The following COL16A1 variants were observed in gnomAD, a reference collection of about 807,000 sequenced individuals.
COL16A1 encodes collagen alpha-1(XVI) chain.
COL16A1 carries 189 observed loss-of-function variants against 266.3 expected under a neutral mutation model. That is an observed-to-expected ratio of 0.71 (90% CI 0.63 to 0.80). The LOEUF (loss-of-function observed/expected upper bound fraction) is 0.80, where lower values mean the gene tolerates loss of function less well. Ranked by LOEUF, COL16A1 falls within the 30% of genes least tolerant of loss-of-function variation. The pLI is 0.00. For synonymous variants in COL16A1, 740 were observed against 782.3 expected, an observed-to-expected ratio of 0.95 and a Z score of 0.90; for missense variants, 1,928 against 2,122.4, an observed-to-expected ratio of 0.91 and a Z score of 1.80.
In COL16A1 at chr1:31,681,015, G is replaced by A; in HGVS notation, c.2583+8C>T. 6.2e-7 allele frequency: 1 copy of A among 1,613,778 alleles called. No individual in the cohort carries two copies. Among genetic ancestry groups the A allele is most frequent in the Non-Finnish European group, 8.5e-7 (1 of 1,179,844 alleles). On this transcript the variant is annotated splice_region_variant and intron_variant, in intron 38 of 70. Transcript: ENST00000373672. ...TGGCTTCCTGCTGCCCCAAGGCACT[G>A]TACTCACTGGTGTTCCTCTGAGTCC...
chr1:31,691,963 C>T (rs757065567), intron 17 of COL16A1, 42 bp downstream of exon 17: 1 of 1,613,202 alleles, frequency 6.2e-7, no homozygotes, highest in Non-Finnish European at 8.5e-7. Flanking sequence ...TTCTCAGACC[C>T]CGTGCTGTGG....
intron 23 of COL16A1, 65 bp downstream of exon 23, chr1:31,689,676 G>A: frequency 7.5e-7 from 1 of 1,333,058 alleles, no homozygotes; most frequent in Non-Finnish European, 1.1e-6. Flanking sequence ...TCCTCTCTAT[G>A]ATCATGTCCC....
At chr1:31,687,472 G>A (rs1018303575) in intron 26 of COL16A1, among the ~76,000 whole-genome samples, 1 of 151,892 alleles carries the variant, frequency 6.6e-6, no homozygotes, top group Non-Finnish European at 1.5e-5. Context: ...CTGCTGCAGG[G>A]CTACAGTGGC....
In COL16A1 at chr1:31,688,911, C is replaced by A; in HGVS notation, c.1717G>T (p.Gly573Trp). ...GGGGAACCCACATCTCCACTGGCCCCTGTGGAGGACACAAGATGCTGGGCC... is the reference window on the plus strand; with the variant it reads ...GGGGAACCCACATCTCCACTGGCCCATGTGGAGGACACAAGATGCTGGGCC... ...VGAQHLVSSTGASGDVGSPGF... is the reference protein window; with the variant it reads ...VGAQHLVSSTWASGDVGSPGF... The change falls in exon 25 of 71, where the codon GGG becomes TGG. Residue 573 changes from glycine (G) to tryptophan (W), a missense_variant. By Grantham distance (184) the Gly-to-Trp change is radical. Around this residue, in one of 2 missense-constraint regions of COL16A1, gnomAD observed 1,552 missense variants for 1,637.2 expected, o/e 0.95. Coordinates refer to ENST00000373672, the MANE Select transcript of COL16A1 (RefSeq NM_001856.4). The surrounding 1 kb of genome is among the most constrained non-coding windows in gnomAD (Gnocchi z 4.9). The A allele has an allele frequency of 6.2e-7, 1 of 1,614,144 alleles. No homozygotes were observed. The highest frequency in any genetic ancestry group is 1.3e-5 in the African/African-American group (1 of 75,040).
At chr1:31,665,529 C>T (rs1360061223) in intron 55 of COL16A1, 54 bp downstream of exon 55, 3 of 1,613,778 alleles carry the variant, frequency 1.9e-6, no homozygotes, top group African/African-American at 2.7e-5. Context: ...TCAGGCCTGC[C>T]CCTCCCGATG....
chr1:31,693,877 C>G (rs552973762), intron 12 of COL16A1, among the ~76,000 whole-genome samples: 1 of 152,318 alleles, frequency 6.6e-6, no homozygotes, highest in South Asian at 2.1e-4. Flanking sequence ...TGCAGGCTGA[C>G]TATTGAGAGG....
chr1:31,695,810 G>C (rs758733464), intron 9 of COL16A1, 23 bp from the exon 10 acceptor site: 1 of 1,610,692 alleles, frequency 6.2e-7, no homozygotes, highest in Non-Finnish European at 8.5e-7. Context: ...TGGGGGGTGT[G>C]GGAATGGGCA....
chr1:31,661,610 C>A (rs1276430676), intron 59 of COL16A1, 50 bp downstream of exon 59: 4 of 1,612,794 alleles, frequency 2.5e-6, no homozygotes, highest in Non-Finnish European at 3.4e-6. Context: ...GCCACCCAGG[C>A]AGAAGCTGCA....
chr1:31,689,922 C>G (rs1044058942), intron 22 of COL16A1, 71 bp from the exon 23 acceptor site: 4 of 1,335,672 alleles, frequency 3.0e-6, no homozygotes, highest in Non-Finnish European at 4.3e-6. Context: ...GGGCCTCTTG[C>G]GCAGACCAGC....
At chr1:31,684,254 A>T (rs1388037475) in intron 31 of COL16A1, 23 bp from the exon 32 acceptor site, 10 of 1,461,996 alleles carry the variant, frequency 6.8e-6, no homozygotes, top group Non-Finnish European at 9.0e-6. Context: ...GGGTACAGCC[A>T]GGAGCCCATG....
intron 17 of COL16A1, 55 bp downstream of exon 17, chr1:31,691,950 G>T: frequency 6.2e-7 from 1 of 1,611,818 alleles, no homozygotes. Flanking sequence ...TTAAATCCCA[G>T]CATTCTCAGA....
chr1:31,653,768 C>G, intron 69 of COL16A1, 92 bp from the exon 70 acceptor site: 1 of 1,572,498 alleles, frequency 6.4e-7, no homozygotes, highest in Admixed American at 1.8e-5. Context: ...CACACACACA[C>G]ACACACATAC....
chr1:31,670,674 C>T lies in COL16A1; in HGVS notation c.3151-28G>A. ...GGTGGGAGAAACAGGCAGGTCACATCTCACAGGCACAGTAACCCTGGGACA... is the reference window on the plus strand; with the variant it reads ...GGTGGGAGAAACAGGCAGGTCACATTTCACAGGCACAGTAACCCTGGGACA... On this transcript the variant is annotated intron_variant, in intron 48 of 70. Transcript: ENST00000373672. This position sits in a 1 kb window ranked among gnomAD's most constrained non-coding sequence, Gnocchi z 4.5. 7.0e-7 allele frequency: 1 copy of T among 1,430,032 alleles called. No homozygotes were observed. The highest frequency in any genetic ancestry group is 9.1e-7 in the Non-Finnish European group (1 of 1,095,774). 88.6% of individuals were successfully genotyped at this position (1,430,032 alleles called of 1,614,324 possible).
rs142592187 is a variant in COL16A1 at position 31,685,594 on chromosome 1, G to C, written c.2016+45C>G. 4.6e-6 allele frequency: 6 copies of C among 1,318,510 alleles called. No individual in the cohort carries two copies. Among genetic ancestry groups the C allele is most frequent in the South Asian group, 1.3e-5 (1 of 76,438 alleles). The allele number at this position is 1,318,510 out of a possible 1,614,324, so 81.7% of individuals were successfully genotyped here. A position where few individuals can be genotyped will look rare whatever the true frequency, so the allele number is the denominator to read the frequency against. On this transcript the variant is annotated intron_variant, in intron 29 of 70. Coordinates refer to ENST00000373672, the MANE Select transcript of COL16A1 (RefSeq NM_001856.4). This position sits in a 1 kb window ranked among gnomAD's most constrained non-coding sequence, Gnocchi z 4.0. ...GGACCCCTCCCCTCTCCTTAGCCCCGCCTGCATCCCCCGTCCAGAGGCCCC... is the reference window on the plus strand; with the variant it reads ...GGACCCCTCCCCTCTCCTTAGCCCCCCCTGCATCCCCCGTCCAGAGGCCCC...
rs761543853 is a variant in COL16A1 at position 31,661,667 on chromosome 1, C to G, written c.3719G>C (p.Gly1240Ala). 6.2e-7 allele frequency: 1 copy of G among 1,612,856 alleles called. No homozygotes were observed. ...TCCTGCAGCTCAACTTACCGGTGGT[C>G]CCATGAGTCCAGGGGGGCCAGCAGG... is the stretch of plus-strand genomic sequence containing the variant. ...PGPAGPPGLM[G>A]PPGFKGKTGH... The change falls in exon 59 of 71, where the codon GGA becomes GCA. Residue 1240 changes from glycine (G) to alanine (A), a missense_variant. This residue lies in a region of COL16A1 where 1,552 missense variants were observed against 1,637.2 expected (regional missense o/e 0.95). Transcript: ENST00000373672.
intron 40 of COL16A1, 80 bp from the exon 41 acceptor site, chr1:31,679,931 G>T: frequency 1.3e-6 from 2 of 1,546,680 alleles, no homozygotes; most frequent in Non-Finnish European, 1.7e-6. Flanking sequence ...GCGTGGGGAG[G>T]CGGCTGGCTG....
In COL16A1 at chr1:31,681,060, T is replaced by C; in HGVS notation, c.2546A>G (p.Asp849Gly). 1 of 1,612,716 alleles carries C rather than the reference T, an allele frequency of 6.2e-7. No homozygotes were observed. The highest frequency in any genetic ancestry group is 8.5e-7 in the Non-Finnish European group (1 of 1,179,466). ...GASVSGPPGR[D>G]GQQGQTGLRG... Reference sequence around the variant, plus strand: ...GAGTCCCGTCTGTCCTTGCTGCCCATCACGGCCCTGAAGAGAGAGAGCCCA... The same window carrying C: ...GAGTCCCGTCTGTCCTTGCTGCCCACCACGGCCCTGAAGAGAGAGAGCCCA... The change falls in exon 38 of 71, where the codon GAT (aspartate) becomes GGT (glycine). Residue 849 changes from aspartate (D) to glycine (G), a missense_variant. Transcript: ENST00000373672.
chr1:31,691,971 T>C (rs2148809246), intron 17 of COL16A1, 34 bp downstream of exon 17: 1 of 1,613,368 alleles, frequency 6.2e-7, no homozygotes, highest in Non-Finnish European at 8.5e-7. Flanking sequence ...CCCCGTGCTG[T>C]GGGTTGTGGT....
chr1:31,661,354 TG>T (rs1306381847), intron 60 of COL16A1, 59 bp downstream of exon 60: 17 of 1,612,592 alleles, frequency 1.1e-5, no homozygotes, highest in Admixed American at 1.0e-4. Flanking sequence ...CATGTATGCC[TG>T]GGGGCAAGCC....
Sources: gnomAD v4.1 joint callset for allele counts (sites outside exome capture counted in the v4.1 genomes callset) on GRCh38, gnomAD v4.1.1 for gene constraint, gnomAD v4.1.1 regional missense constraint, Gnocchi (gnomAD v3.1) non-coding constraint, MANE v1.5 for transcripts, NCBI Gene and HGNC (gene_info 2026-07-23, HGNC 2026-07-21) for gene names.